Variants in ZNF644 observed in about 807,000 individuals in gnomAD.
ZNF644 encodes zinc finger protein 644.
Under a neutral mutation model 108.0 loss-of-function variants are expected in ZNF644, and 20 were observed. The observed-to-expected ratio is 0.19, with a 90% CI of 0.13 to 0.27. ZNF644 has a LOEUF of 0.27. Among genes scored for constraint, ZNF644 ranks in the 10% least tolerant of loss-of-function variants. ZNF644 has a pLI of 1.00. For synonymous variants in ZNF644, 542 were observed against 539.1 expected, an observed-to-expected ratio of 1.01 and a Z score of -0.08; for missense variants, 1,338 against 1,548.9, an observed-to-expected ratio of 0.86 and a Z score of 2.29.
At chr1:90,979,635 T>G (rs963695900) in intron 2 of ZNF644, among the ~76,000 whole-genome samples, 2 of 152,194 alleles carry the variant, frequency 1.3e-5, no homozygotes, top group African/African-American at 4.8e-5. Context: ...TCTTCCTCCA[T>G]CCTAACAGTT....
In ZNF644 at chr1:90,915,390, A is replaced by C. The variant is rs1425205249; in HGVS notation, c.*1408T>G. Reference sequence around the variant, plus strand: ...CAATTTCACTGGCAGTGAGGTATGTATATACTCTACCAAAATACTCCTTAT... The same window carrying C: ...CAATTTCACTGGCAGTGAGGTATGTCTATACTCTACCAAAATACTCCTTAT... On this transcript the variant is annotated 3_prime_UTR_variant, in exon 6 of 6. Coordinates refer to ENST00000337393, the MANE Select transcript of ZNF644 (RefSeq NM_201269.3). 2.6e-5 allele frequency: 4 copies of C among 152,596 alleles called. No individual in the cohort carries two copies. The highest frequency in any genetic ancestry group is 7.2e-5 in the African/African-American group (3 of 41,452). The allele number at this position is 152,596 out of a possible 1,614,324, so 9.5% of individuals were successfully genotyped here.
rs530220816 is a variant in ZNF644 at position 91,010,035 on chromosome 1, G to A, written c.-18+11955C>T. Reference sequence around the variant, plus strand: ...CTCACTTCAATCTCCCTCCAATCACGCTGTATCTGGCTGCTAATCATATTT... The same window carrying A: ...CTCACTTCAATCTCCCTCCAATCACACTGTATCTGGCTGCTAATCATATTT... On this transcript the variant is annotated intron_variant, in intron 1 of 5. Transcript: ENST00000337393. Among the ~76,000 whole-genome samples, 17 of 151,938 alleles carry A rather than the reference G, an allele frequency of 1.1e-4. No individual in the cohort carries two copies. In the South Asian group the frequency reaches 2.7e-3, roughly 24 times the overall value.
At chr1:91,016,558 T>C (rs957606010) in intron 1 of ZNF644, among the ~76,000 whole-genome samples, 1 of 152,224 alleles carries the variant, frequency 6.6e-6, no homozygotes, top group African/African-American at 2.4e-5. Context: ...ATTACAATCT[T>C]ATGGGACCAC....
rs1490804682 is a variant in ZNF644 at position 90,915,800 on chromosome 1, T to TC, written c.*997_*998insG. 1 of 152,628 alleles carries TC rather than the reference T, an allele frequency of 6.6e-6. No homozygotes were observed. The highest frequency in any genetic ancestry group is 1.5e-5 in the Non-Finnish European group (1 of 68,000). 9.5% of individuals were successfully genotyped at this position (152,628 alleles called of 1,614,324 possible). A position where few individuals can be genotyped will look rare whatever the true frequency, so the allele number is the denominator to read the frequency against. On this transcript the variant is annotated 3_prime_UTR_variant, in exon 6 of 6. Transcript: ENST00000337393. ...TGTAGAAATATTTTAATTGGTGTAT[T>TC]AAGTTTTGCTAACTGATCAAATTTG...
At chr1:90,918,374 T>C in intron 4 of ZNF644, 7 of 535,372 alleles carry the variant, frequency 1.3e-5, no homozygotes, top group South Asian at 1.3e-4. Context: ...AAGAATACTA[T>C]CTGTATTCTT....
intron 2 of ZNF644, among the ~76,000 whole-genome samples, chr1:90,975,501 G>T (rs187254814): frequency 6.7e-6 from 1 of 149,918 alleles, no homozygotes; most frequent in East Asian, 2.0e-4. Flanking sequence ...GCAATGGCGC[G>T]ATCTCGGCTC....
In ZNF644 at chr1:90,941,195, C is replaced by T; in HGVS notation, c.159G>A (p.Glu53=). The T allele has an allele frequency of 6.2e-7, 1 of 1,609,560 alleles. No homozygotes were observed. The highest frequency in any genetic ancestry group is 8.5e-7 in the Non-Finnish European group (1 of 1,178,452). ...AATCTTTTGGCTTATGAACTCCGCT[C>T]TCTTTGTCTGAGATAAAATTGTTGT... ...LDDNNFISDK[E]SGVHKPKDCQ... The change falls in exon 3 of 6, where the codon GAG becomes GAA. Residue 53 remains glutamate (E), a synonymous_variant. Coordinates refer to ENST00000337393, the MANE Select transcript of ZNF644 (RefSeq NM_201269.3).
intron 4 of ZNF644, chr1:90,935,365 T>C: frequency 1.0e-6 from 1 of 985,798 alleles, no homozygotes. Flanking sequence ...AAAAAAAGTG[T>C]ATTGTATCAA....
intron 1 of ZNF644, among the ~76,000 whole-genome samples, chr1:91,007,219 C>CTTTTTT (rs1557658445): frequency 8.8e-6 from 1 of 114,248 alleles, no homozygotes; most frequent in Non-Finnish European, 1.8e-5. Flanking sequence ...CATTTTCTCC[C>CTTTTTT]ATTTTGTTTT....
intron 1 of ZNF644, among the ~76,000 whole-genome samples, chr1:91,012,811 A>T (rs1371123658): frequency 6.6e-6 from 1 of 152,110 alleles, no homozygotes; most frequent in African/African-American, 2.4e-5. Context: ...GTTGTACTTA[A>T]GATTTGTGCA....
intron 4 of ZNF644, among the ~76,000 whole-genome samples, chr1:90,930,615 A>T (rs1650623308): frequency 1.3e-5 from 2 of 152,236 alleles, no homozygotes; most frequent in African/African-American, 4.8e-5. Flanking sequence ...AAATCAATTT[A>T]CTGGCTCATG....
At chr1:90,925,466 T>C (rs1050087475) in intron 4 of ZNF644, among the ~76,000 whole-genome samples, 1 of 152,142 alleles carries the variant, frequency 6.6e-6, no homozygotes, top group African/African-American at 2.4e-5. Flanking sequence ...CCTCAAGCTT[T>C]GGGCTTGAAT....
chr1:90,987,545 T>C (rs905415702), intron 1 of ZNF644, among the ~76,000 whole-genome samples: 3 of 151,918 alleles, frequency 2.0e-5, no homozygotes, highest in African/African-American at 7.2e-5. Flanking sequence ...ATCAAAAACT[T>C]ACCAAATAAG....
intron 2 of ZNF644, among the ~76,000 whole-genome samples, chr1:90,965,326 T>C (rs994467777): frequency 3.9e-5 from 6 of 152,202 alleles, no homozygotes; most frequent in Admixed American, 1.3e-4. Context: ...ATCTTTTTCC[T>C]AGGTCTCTTC....
intron 1 of ZNF644, among the ~76,000 whole-genome samples, chr1:91,017,786 A>AC (rs1247634271): frequency 1.3e-5 from 2 of 151,960 alleles, no homozygotes; most frequent in Non-Finnish European, 2.9e-5. Context: ...ACATGATGAA[A>AC]CCCCATCTCT....
intron 2 of ZNF644, among the ~76,000 whole-genome samples, chr1:90,961,528 T>C (rs1654340414): frequency 6.6e-6 from 1 of 152,142 alleles, no homozygotes; most frequent in African/African-American, 2.4e-5. Flanking sequence ...ACAATGGAGT[T>C]TTCCAGAGGC....
At chr1:90,959,059 T>C (rs977895602) in intron 2 of ZNF644, among the ~76,000 whole-genome samples, 1 of 151,854 alleles carries the variant, frequency 6.6e-6, no homozygotes, top group Non-Finnish European at 1.5e-5. Context: ...CATAAAAAAC[T>C]CAACAACAAA....
At chr1:90,983,733 C>T (rs991417327) in intron 1 of ZNF644, among the ~76,000 whole-genome samples, 1 of 152,128 alleles carries the variant, frequency 6.6e-6, no homozygotes, top group African/African-American at 2.4e-5. Flanking sequence ...TCGAAACCAG[C>T]CTGGCCAACA....
intron 2 of ZNF644, among the ~76,000 whole-genome samples, chr1:90,959,796 G>T (rs1654145480): frequency 6.6e-6 from 1 of 152,092 alleles, no homozygotes; most frequent in Non-Finnish European, 1.5e-5. Context: ...GAGAGCTAGT[G>T]GTTGCACAAC....
Sources: allele counts gnomAD v4.1 joint callset (sites outside exome capture counted in the v4.1 genomes callset), GRCh38; gene constraint gnomAD v4.1.1; transcripts MANE v1.5; gene names NCBI Gene and HGNC (gene_info 2026-07-23, HGNC 2026-07-21).